Variants in FRMD3 observed in about 807,000 individuals in gnomAD.
The protein encoded by FRMD3 is FERM domain containing 3.
Under a neutral mutation model 70.2 loss-of-function variants are expected in FRMD3, and 33 were observed. The ratio of observed to expected loss-of-function variants is 0.47; its 90% CI spans 0.36 to 0.63. The LOEUF is 0.63. Among genes scored for constraint, FRMD3 ranks in the 20% least tolerant of loss-of-function variants. The pLI, the probability that FRMD3 is intolerant of heterozygous loss-of-function variation, is 0.00. For missense variants in FRMD3, 632 were observed against 711.4 expected (o/e 0.89, Z 1.27); for synonymous variants, 279 against 255.9 (o/e 1.09, Z -0.86).
chr9:83,474,555 CA>C (rs1179768317), intron 1 of FRMD3, among the ~76,000 whole-genome samples: 1 of 152,042 alleles, frequency 6.6e-6, no homozygotes, highest in African/African-American at 2.4e-5. Flanking sequence ...TGTGATGAAT[CA>C]AAAGCAAGTC....
chr9:83,279,848 G>A (rs984543072), intron 13 of FRMD3, among the ~76,000 whole-genome samples: 1 of 152,046 alleles, frequency 6.6e-6, no homozygotes, highest in African/African-American at 2.4e-5. Context: ...AATGTATGTA[G>A]GGCTTAATAC....
chr9:83,549,189 G>C, the FRMD3 span, among the ~76,000 whole-genome samples: 5 of 152,104 alleles, frequency 3.3e-5, no homozygotes, highest in African/African-American at 1.2e-4. Flanking sequence ...CCACTTGTAA[G>C]TGAGACAATG....
chr9:83,580,416 G>C, the FRMD3 span, among the ~76,000 whole-genome samples: 1 of 152,058 alleles, frequency 6.6e-6, no homozygotes, highest in Non-Finnish European at 1.5e-5. Flanking sequence ...CCAGACAATG[G>C]AATACTATTC....
chr9:83,409,257 A>C (rs955405497), intron 1 of FRMD3, among the ~76,000 whole-genome samples: 1 of 152,178 alleles, frequency 6.6e-6, no homozygotes, highest in African/African-American at 2.4e-5. Context: ...ATTGAACTGA[A>C]TGCTCGCTCT....
the FRMD3 span, among the ~76,000 whole-genome samples, chr9:83,550,687 AGTGT>A: frequency 0.038 from 5,221 of 138,890 alleles, 116 homozygotes; most frequent in Non-Finnish European, 0.048. Context: ...AGTCCTAGGT[AGTGT>A]GTGTGTGTGT....
At chr9:83,335,695 C>A in intron 5 of FRMD3, 56 bp from the exon 6 acceptor site, 2 of 1,545,568 alleles carry the variant, frequency 1.3e-6, no homozygotes, top group South Asian at 2.4e-5. Flanking sequence ...ATAACATGAG[C>A]AGGGTGCATA....
rs942535528 is a variant in FRMD3, at chr9:83,332,537, CT to C, written c.596+2978del. Among the ~76,000 whole-genome samples, 14 of 152,162 alleles carry C rather than the reference CT, an allele frequency of 9.2e-5. No individual in the cohort carries two copies. The South Asian group carries it at 2.1e-3, about 23-fold the overall frequency. ...ATTAATTTTCTGCCAAGAATGGTGA[CT>C]TTTTTTCCTCTCTCAGAGATCACAG... On this transcript the variant is annotated intron_variant, in intron 6 of 13. Transcript: ENST00000304195.
intron 2 of FRMD3, among the ~76,000 whole-genome samples, chr9:83,387,833 T>C (rs1333571215): frequency 6.6e-6 from 1 of 152,164 alleles, no homozygotes; most frequent in Non-Finnish European, 1.5e-5. Flanking sequence ...AAAATTAGAT[T>C]AGGAATAGGC....
In FRMD3 at chr9:83,452,525, A is replaced by C. The variant is rs553569802; in HGVS notation, c.148-62817T>G. ...GAGACGGAGTCTCGCTCCGTCGCCC[A>C]GGCTGGAGTGCAGTGGTGCGATCTC... On this transcript the variant is annotated intron_variant, in intron 1 of 13. Transcript: ENST00000304195. Among the ~76,000 whole-genome samples the C allele has an allele frequency of 7.9e-5, 12 of 152,050 alleles. No homozygotes were observed. In the South Asian group the frequency reaches 2.5e-3, roughly 32 times the overall value.
At chr9:83,332,646 T>C (rs894666307) in intron 6 of FRMD3, among the ~76,000 whole-genome samples, 4 of 152,242 alleles carry the variant, frequency 2.6e-5, no homozygotes, top group African/African-American at 9.6e-5. Flanking sequence ...TTGATCTCCC[T>C]GTAAATCATC....
Position 83,351,323 on chromosome 9 carries a change from TACACACACAC to T in FRMD3, c.296-1576_296-1567del, listed in dbSNP as rs56407249. ...GATCTCAGCAGAGAAAAACTGATCA[TACACACACAC>T]ACACACACACACACACACACTAGAA... On this transcript the variant is annotated intron_variant, in intron 3 of 13. Transcript: ENST00000304195. 1.4e-3 allele frequency among the ~76,000 whole-genome samples: 199 copies of T among 143,876 alleles called. 2 individuals carry two copies. The highest frequency in any genetic ancestry group is 4.3e-3 in the African/African-American group (167 of 39,188). The allele number at this position is 143,876 out of a possible 152,430, so 94.4% of individuals were successfully genotyped here.
At chr9:83,262,062 A>G (rs757562106) in intron 13 of FRMD3, among the ~76,000 whole-genome samples, 4 of 152,226 alleles carry the variant, frequency 2.6e-5, no homozygotes, top group Non-Finnish European at 5.9e-5. Flanking sequence ...AATCAGTTTC[A>G]TGTAACTCAA....
chr9:83,509,895 T>A (rs1254586679), intron 1 of FRMD3, among the ~76,000 whole-genome samples: 1 of 152,108 alleles, frequency 6.6e-6, no homozygotes, highest in African/African-American at 2.4e-5. Flanking sequence ...TGGTGTACAG[T>A]GTCTTAAAAA....
In FRMD3 at chr9:83,271,738, G is replaced by A. The variant is rs137901125; in HGVS notation, c.1195+18865C>T. Among the ~76,000 whole-genome samples, 925 of 152,296 alleles carry A rather than the reference G, an allele frequency of 6.1e-3. 13 individuals are homozygous for A. Among genetic ancestry groups the A allele is most frequent in the African/African-American group, 0.021 (858 of 41,558 alleles). ...ATATCAGACTGAATGTTTCCTGCCT[G>A]TAAGCTGAGATAACTGCTCTCTGGG... On this transcript the variant is annotated intron_variant, in intron 13 of 13. Transcript: ENST00000304195.
At chr9:83,304,783 A>T (rs936559916) in intron 10 of FRMD3, among the ~76,000 whole-genome samples, 1 of 152,178 alleles carries the variant, frequency 6.6e-6, no homozygotes, top group Non-Finnish European at 1.5e-5. Context: ...CAGCACCCAG[A>T]AACAGTGAGC....
chr9:83,342,121 T>C (rs1005708844), intron 5 of FRMD3, among the ~76,000 whole-genome samples: 3 of 150,330 alleles, frequency 2.0e-5, no homozygotes, highest in African/African-American at 7.4e-5. Flanking sequence ...TTAATGTTCA[T>C]GCTACCAACA....
intron 13 of FRMD3, among the ~76,000 whole-genome samples, chr9:83,255,611 T>C (rs1832669708): frequency 6.6e-6 from 1 of 152,142 alleles, no homozygotes. Flanking sequence ...GACATGATTC[T>C]ATATCTAGAA....
chr9:83,467,756 G>A (rs1828168134), intron 1 of FRMD3: 12 of 1,499,028 alleles, frequency 8.0e-6, no homozygotes, highest in South Asian at 5.0e-5. Flanking sequence ...ATCTAAGCTC[G>A]CTGCAGTTTG....
At chr9:83,500,307 G>C (rs1439857319) in intron 1 of FRMD3, among the ~76,000 whole-genome samples, 2 of 147,846 alleles carry the variant, frequency 1.4e-5, no homozygotes, top group Non-Finnish European at 3.0e-5. Flanking sequence ...ACTAACACAA[G>C]ATGGTAGTAA....
Sources: gnomAD v4.1 joint callset for allele counts (sites outside exome capture counted in the v4.1 genomes callset) on GRCh38, gnomAD v4.1.1 for gene constraint, MANE v1.5 for transcripts, NCBI Gene and HGNC (gene_info 2026-07-23, HGNC 2026-07-21) for gene names.